PCDHGC3: variants seen among roughly 807,000 people sequenced by gnomAD.
PCDHGC3 encodes the protein protocadherin gamma subfamily C, 3, also known as protocadherin gamma-C3.
In PCDHGC3, 26 loss-of-function variants were observed where a neutral mutation model predicts 59.2. That is an observed-to-expected ratio of 0.44 (90% CI 0.32 to 0.61). The LOEUF (loss-of-function observed/expected upper bound fraction) is 0.61. PCDHGC3 is among the 20% of genes least tolerant of loss of function. PCDHGC3 has a pLI of 0.05. For missense variants in PCDHGC3, 1,080 were observed against 1,221.8 expected, an observed-to-expected ratio of 0.88 and a Z score of 1.73; for synonymous variants, 487 against 519.7, an observed-to-expected ratio of 0.94 and a Z score of 0.86.
intron 3 of PCDHGC3, chr5:141,507,089 C>T (rs564539147): frequency 2.0e-5 from 3 of 152,298 alleles, no homozygotes; most frequent in Admixed American, 1.3e-4. Context: ...TAAGTTTATG[C>T]TCTTTCTACT....
Position 141,490,369 on chromosome 5 carries a change from C to T in PCDHGC3, c.2431-4438C>T, listed in dbSNP as rs201347968. On this transcript the variant is annotated intron_variant, in intron 1 of 3. Transcript: ENST00000308177. This position sits in a 1 kb window ranked among gnomAD's most constrained non-coding sequence, Gnocchi z 5.4. ...AGTGGGGTTGTTTAATGTGCGAGAC[C>T]GGGACTCAGGTAGAAATGGTGAAGT... The T allele has an allele frequency of 4.0e-5, 64 of 1,614,090 alleles. No individual in the cohort carries two copies. In the Admixed American group the frequency reaches 6.0e-4, roughly 15 times the overall value.
chr5:141,501,288 T>TACAC (rs1562199973), intron 2 of PCDHGC3, among the ~76,000 whole-genome samples: 2 of 81,228 alleles, frequency 2.5e-5, no homozygotes, highest in Admixed American at 1.6e-4. Flanking sequence ...GATATTCCCT[T>TACAC]ATACACACAC....
Position 141,494,830 on chromosome 5 carries a change from G to C in PCDHGC3, c.2454G>C (p.Trp818Cys), listed in dbSNP as rs2099757104. Residue 818 changes from tryptophan (W) to cysteine (C), a missense_variant, in exon 2 of 4, where the codon TGG (tryptophan) becomes TGC (cysteine). Coordinates refer to ENST00000308177, the MANE Select transcript of PCDHGC3 (RefSeq NM_002588.4). ...AGCAAGCCCCGCCCAACACGGACTG[G>C]CGTTTCTCTCAGGCCCAGAGACCCG... The part of the protein sequence containing the change: ...PGQQAPPNTD[W>C]RFSQAQRPGT... 6.2e-7 allele frequency: 1 copy of C among 1,614,098 alleles called. No homozygotes were observed. The highest frequency in any genetic ancestry group is 2.2e-5 in the East Asian group (1 of 44,862).
In PCDHGC3 at chr5:141,490,963, G is replaced by GC; in HGVS notation, c.2431-3838dup. 6.2e-7 allele frequency: 1 copy of GC among 1,613,760 alleles called. No individual in the cohort carries two copies. On this transcript the variant is annotated intron_variant, in intron 1 of 3. Transcript: ENST00000308177. This position sits in a 1 kb window ranked among gnomAD's most constrained non-coding sequence, Gnocchi z 5.4. ...CCCACGGCCAGACTGGGAACACTCA[G>GC]CCCCCCAGCGTCTCCCTCGCTCTGC...
chr5:141,485,625 G>A lies in PCDHGC3; in HGVS notation c.2430+7079G>A, dbSNP rs1458191111. On this transcript the variant is annotated intron_variant, in intron 1 of 3. Coordinates refer to ENST00000308177, the MANE Select transcript of PCDHGC3 (RefSeq NM_002588.4). This position sits in a 1 kb window ranked among gnomAD's most constrained non-coding sequence, Gnocchi z 5.7. ...GGGGAGGCAGCTCCTCCAGGACAGC[G>A]TTTCCCGTTGGAAAAGGCTCAGGAT... is the stretch of plus-strand genomic sequence containing the variant. The A allele has an allele frequency of 1.2e-6, 2 of 1,611,968 alleles. No homozygotes were observed. The highest frequency in any genetic ancestry group is 3.3e-5 in the Admixed American group (2 of 59,916).
At position 141,477,763 on chromosome 5, in the gene PCDHGC3, C is replaced by A. The variant is rs763322593; in HGVS notation, c.1647C>A (p.Thr549=). The change falls in exon 1 of 4, where the codon ACC becomes ACA. Residue 549 remains threonine, a synonymous_variant. Coordinates refer to ENST00000308177, the MANE Select transcript of PCDHGC3 (RefSeq NM_002588.4). The surrounding 1 kb of genome is among the most constrained non-coding windows in gnomAD (Gnocchi z 4.9). ...ATGGGGGCACCCCGGTCCTAGCCAC[C>A]AACATCAGCGTGAACATATTTGTCA... ...ISDGGTPVLA[T]NISVNIFVTD... 5.0e-6 allele frequency: 8 copies of A among 1,613,894 alleles called. No homozygotes were observed. The East Asian group carries it at 1.6e-4, about 31-fold the overall frequency.
rs2099419063 is a variant in PCDHGC3 at position 141,477,824 on chromosome 5, C to G, written c.1708C>G (p.Pro570Ala). Residue 570 changes from proline (P) to alanine (A), a missense_variant, in exon 1 of 4, where the codon CCT becomes GCT. By Grantham distance (27) the Pro-to-Ala change is conservative (BLOSUM62 -1). Coordinates refer to ENST00000308177, the MANE Select transcript of PCDHGC3 (RefSeq NM_002588.4). This position sits in a 1 kb window ranked among gnomAD's most constrained non-coding sequence, Gnocchi z 4.9. ...TGACAATGCCCCCCAGGTCCTATAT[C>G]CTCGGCCAGGTGGGAGCTCGGTGGA... is the stretch of plus-strand genomic sequence containing the variant. ...RNDNAPQVLYPRPGGSSVEML... is the reference protein window; with the variant it reads ...RNDNAPQVLYARPGGSSVEML... 5.6e-6 allele frequency: 9 copies of G among 1,614,196 alleles called. No individual in the cohort carries two copies. The highest frequency in any genetic ancestry group is 5.9e-6 in the Non-Finnish European group (7 of 1,180,034).
chr5:141,499,191 C>A (rs920773306), intron 2 of PCDHGC3, among the ~76,000 whole-genome samples: 1 of 152,116 alleles, frequency 6.6e-6, no homozygotes, highest in Non-Finnish European at 1.5e-5. Context: ...ACCATTTCCC[C>A]CTTCTTAGGC....
In PCDHGC3 at chr5:141,491,723, G is replaced by A. The variant is rs764792125; in HGVS notation, c.2431-3084G>A. The A allele has an allele frequency of 1.7e-5, 27 of 1,606,770 alleles. No individual in the cohort carries two copies. In the African/African-American group the frequency reaches 3.2e-4, roughly 19 times the overall value. On this transcript the variant is annotated intron_variant, in intron 1 of 3. Coordinates refer to ENST00000308177, the MANE Select transcript of PCDHGC3 (RefSeq NM_002588.4). The surrounding 1 kb of genome is among the most constrained non-coding windows in gnomAD (Gnocchi z 6.9). The stretch of plus-strand genomic sequence containing the variant: ...CAGGTGAGGGGCTCGGCGCCGCCCC[G>A]GGCGACCCCTGGGGGCGGCACTGGA...
chr5:141,492,359 C>A (rs1292383129), intron 1 of PCDHGC3, among the ~76,000 whole-genome samples: 3 of 152,336 alleles, frequency 2.0e-5, no homozygotes, highest in African/African-American at 7.2e-5. Flanking sequence ...GCCACTCGCT[C>A]GCGGCCAGAT....
intron 2 of PCDHGC3, among the ~76,000 whole-genome samples, chr5:141,496,411 CT>C (rs1266082660): frequency 6.6e-6 from 1 of 152,190 alleles, no homozygotes; most frequent in African/African-American, 2.4e-5. Context: ...TGGTTGAGTA[CT>C]TGCTGTCCAC....
intron 1 of PCDHGC3, among the ~76,000 whole-genome samples, chr5:141,480,115 G>A (rs1164458958): frequency 6.6e-6 from 1 of 152,110 alleles, no homozygotes; most frequent in African/African-American, 2.4e-5. Flanking sequence ...CATGGTGCCT[G>A]GCATATCATA....
Position 141,486,775 on chromosome 5 carries a change from G to A in PCDHGC3, c.2431-8032G>A, listed in dbSNP as rs2099634725. On this transcript the variant is annotated intron_variant, in intron 1 of 3. Coordinates refer to ENST00000308177, the MANE Select transcript of PCDHGC3 (RefSeq NM_002588.4). This position sits in a 1 kb window ranked among gnomAD's most constrained non-coding sequence, Gnocchi z 5.0. ...AGCAAACCCAGACACTGCAGTTTGA[G>A]GTGCAGGCCCGGGATCGGGGCAACC... 7 of 1,614,122 alleles carry A rather than the reference G, an allele frequency of 4.3e-6. No individual in the cohort carries two copies. Among genetic ancestry groups the A allele is most frequent in the Non-Finnish European group, 5.9e-6 (7 of 1,180,060 alleles).
At chr5:141,499,423 GA>G (rs1229901490) in intron 2 of PCDHGC3, among the ~76,000 whole-genome samples, 3 of 151,756 alleles carry the variant, frequency 2.0e-5, no homozygotes, top group Non-Finnish European at 2.9e-5. Flanking sequence ...ATGAAAAATA[GA>G]AAAAAAATTA....
chr5:141,486,175 C>T lies in PCDHGC3; in HGVS notation c.2430+7629C>T. ...GTTCTCCAGCCATGGAGCAACATTG[C>T]AGCCTTCGAGTGGATCTGCTGGACG... On this transcript the variant is annotated intron_variant, in intron 1 of 3. Transcript: ENST00000308177. The surrounding 1 kb of genome is among the most constrained non-coding windows in gnomAD (Gnocchi z 5.0). 1 of 1,614,210 alleles carries T rather than the reference C, an allele frequency of 6.2e-7. No individual in the cohort carries two copies.
chr5:141,510,426 T>C (rs983368750), intron 3 of PCDHGC3, among the ~76,000 whole-genome samples: 1 of 152,084 alleles, frequency 6.6e-6, no homozygotes, highest in African/African-American at 2.4e-5. Flanking sequence ...CATGGTTTCA[T>C]GGCTGCTGCC....
rs1399367534 is a variant in PCDHGC3 at position 141,487,098 on chromosome 5, A to G, written c.2431-7709A>G. 6.2e-7 allele frequency: 1 copy of G among 1,613,778 alleles called. No homozygotes were observed. The highest frequency in any genetic ancestry group is 8.5e-7 in the Non-Finnish European group (1 of 1,179,788). On this transcript the variant is annotated intron_variant, in intron 1 of 3. Transcript: ENST00000308177. The surrounding 1 kb of genome is among the most constrained non-coding windows in gnomAD (Gnocchi z 5.0). ...ATCCCAGCTGACCTCCCACCACAGA[A>G]GCTGGTCATTGTGGTAAAGGATAGT...
Position 141,486,390 on chromosome 5 carries a change from C to G in PCDHGC3, c.2430+7844C>G. 6.2e-7 allele frequency: 1 copy of G among 1,614,138 alleles called. No individual in the cohort carries two copies. The highest frequency in any genetic ancestry group is 8.5e-7 in the Non-Finnish European group (1 of 1,179,996). Reference sequence around the variant, plus strand: ...AAGTCTGCCTTCAGGAACCAGTTCTCCCTGGTGACTGCTGGACCCTTGGAT... The same window carrying G: ...AAGTCTGCCTTCAGGAACCAGTTCTGCCTGGTGACTGCTGGACCCTTGGAT... On this transcript the variant is annotated intron_variant, in intron 1 of 3. Coordinates refer to ENST00000308177, the MANE Select transcript of PCDHGC3 (RefSeq NM_002588.4). This position sits in a 1 kb window ranked among gnomAD's most constrained non-coding sequence, Gnocchi z 5.0.
chr5:141,478,633 TGATGAA>T, intron 1 of PCDHGC3, 87 bp downstream of exon 1: 4 of 1,553,032 alleles, frequency 2.6e-6, no homozygotes, highest in Non-Finnish European at 3.5e-6. Flanking sequence ...GTTTTTTTAG[TGATGAA>T]GATGTTTTCC....
Sources: gnomAD v4.1 joint callset for allele counts (sites outside exome capture counted in the v4.1 genomes callset) on GRCh38, gnomAD v4.1.1 for gene constraint, Gnocchi (gnomAD v3.1) non-coding constraint, MANE v1.5 for transcripts, NCBI Gene and HGNC (gene_info 2026-07-23, HGNC 2026-07-21) for gene names.